Variants in LRIG1 observed in about 807,000 individuals in gnomAD.
LRIG1 encodes leucine-rich repeats and immunoglobulin-like domains protein 1.
LRIG1 carries 48 observed loss-of-function variants against 99.2 expected under a neutral mutation model. The ratio of observed to expected loss-of-function variants is 0.48; its 90% CI spans 0.38 to 0.62. LRIG1 has a LOEUF of 0.62. LRIG1 is among the 20% of genes least tolerant of loss of function. The pLI, the probability that LRIG1 is intolerant of heterozygous loss-of-function variation, is 0.00. For missense variants in LRIG1, 1,646 were observed against 1,434.4 expected (o/e 1.15, Z -2.38); for synonymous variants, 772 against 596.1 (o/e 1.29, Z -4.30).
chr3:66,485,396 G>C (rs1559823359), intron 1 of LRIG1, among the ~76,000 whole-genome samples: 1 of 152,130 alleles, frequency 6.6e-6, no homozygotes, highest in East Asian at 1.9e-4. Flanking sequence ...ATATGTTCTT[G>C]AGTTAAAAAT....
chr3:66,403,037 C>T (rs1015522951), intron 9 of LRIG1, among the ~76,000 whole-genome samples: 11 of 152,244 alleles, frequency 7.2e-5, no homozygotes, highest in Non-Finnish European at 1.3e-4. Flanking sequence ...TTTACTTCTC[C>T]GGTTCCCTTT....
In LRIG1 at chr3:66,395,045, A is replaced by T. The variant is rs572764209; in HGVS notation, c.1305-842T>A. Among the ~76,000 whole-genome samples the T allele has an allele frequency of 4.6e-5, 7 of 152,336 alleles. No individual in the cohort carries two copies. The South Asian group carries it at 1.5e-3, about 32-fold the overall frequency. ...AATCGGAATCGCCATCTCAGCGGAC[A>T]TTCCTTCCTGAGGAGTCACTTGAAG... On this transcript the variant is annotated intron_variant, in intron 11 of 18. Coordinates refer to ENST00000273261, the MANE Select transcript of LRIG1 (RefSeq NM_015541.3).
At chr3:66,456,250 G>A (rs1700217842) in intron 2 of LRIG1, among the ~76,000 whole-genome samples, 1 of 152,166 alleles carries the variant, frequency 6.6e-6, no homozygotes, top group South Asian at 2.1e-4. Context: ...TTAAACCTAA[G>A]ATCTCAGGAT....
At chr3:66,430,532 T>C (rs1190605782) in intron 3 of LRIG1, among the ~76,000 whole-genome samples, 1 of 152,128 alleles carries the variant, frequency 6.6e-6, no homozygotes, top group Non-Finnish European at 1.5e-5. Context: ...ACGCCTCCCC[T>C]GGGAGTTCCA....
At chr3:66,495,385 A>C (rs1701202989) in intron 1 of LRIG1, among the ~76,000 whole-genome samples, 1 of 152,200 alleles carries the variant, frequency 6.6e-6, no homozygotes, top group Non-Finnish European at 1.5e-5. Context: ...GTTCGCTTTT[A>C]AAAGACCCCC....
intron 8 of LRIG1, chr3:66,406,296 G>GA: frequency 1.0e-6 from 1 of 985,468 alleles, no homozygotes; most frequent in Non-Finnish European, 1.2e-6. Flanking sequence ...AGGAACCAGG[G>GA]ACCCGGGGCT....
In LRIG1 at chr3:66,378,814, C is replaced by G. The variant is rs1051820656; in HGVS notation, c.*1449G>C. 6.6e-6 allele frequency: 1 copy of G among 152,464 alleles called. No homozygotes were observed. Among genetic ancestry groups the G allele is most frequent in the Non-Finnish European group, 1.5e-5 (1 of 68,008 alleles). 9.4% of individuals were successfully genotyped at this position (152,464 alleles called of 1,614,324 possible). On this transcript the variant is annotated 3_prime_UTR_variant, in exon 19 of 19. Coordinates refer to ENST00000273261, the MANE Select transcript of LRIG1 (RefSeq NM_015541.3). ...AACTATACTGACATTTATAAATGAA[C>G]CTTTATTAAAGACACTTCAATGCCA...
In LRIG1 at chr3:66,399,011, C is replaced by T; in HGVS notation, c.1191G>A (p.Val397=). 3 of 1,614,184 alleles carry T rather than the reference C, an allele frequency of 1.9e-6. No homozygotes were observed. Among genetic ancestry groups the T allele is most frequent in the East Asian group, 2.2e-5 (1 of 44,880 alleles). ...CCAGCCCCGAGAATGCTCTCTTAGC[C>T]ACAGACTTGATCTTGTTTCCAAACA... ...LTLFGNKIKS[V]AKRAFSGLEG... The change falls in exon 10 of 19, where the codon GTG becomes GTA. Residue 397 remains valine, a synonymous_variant. Transcript: ENST00000273261.
intron 3 of LRIG1, among the ~76,000 whole-genome samples, chr3:66,450,054 A>G (rs1022601375): frequency 2.0e-5 from 3 of 152,238 alleles, no homozygotes; most frequent in Non-Finnish European, 2.9e-5. Flanking sequence ...AGGTTATCAC[A>G]TCCCTATCAG....
chr3:66,413,157 A>T (rs1413918142), intron 5 of LRIG1, 143 bp from the exon 6 acceptor site: 6 of 893,562 alleles, frequency 6.7e-6, no homozygotes, highest in Non-Finnish European at 1.0e-5. Flanking sequence ...TGTGTAGGGG[A>T]GCCCACCATG....
intron 1 of LRIG1, among the ~76,000 whole-genome samples, chr3:66,465,949 T>C (rs1468367002): frequency 6.6e-6 from 1 of 152,206 alleles, no homozygotes; most frequent in Non-Finnish European, 1.5e-5. Context: ...TGTTGGTAGA[T>C]TATAGAATAT....
At chr3:66,469,904 T>TA (rs1233821281) in intron 1 of LRIG1, among the ~76,000 whole-genome samples, 2 of 25,718 alleles carry the variant, frequency 7.8e-5, no homozygotes, top group Admixed American at 7.3e-4. Context: ...ACCCTGTCCC[T>TA]ACCAAAAAAA....
intron 15 of LRIG1, 75 bp downstream of exon 15, chr3:66,382,907 G>T: frequency 7.1e-7 from 1 of 1,400,794 alleles, no homozygotes; most frequent in Admixed American, 2.1e-5. Context: ...AAAAGCCACT[G>T]GAACCCGGCC....
In LRIG1 at chr3:66,410,121, A is replaced by C; in HGVS notation, c.935+8T>G. On this transcript the variant is annotated splice_region_variant and intron_variant, in intron 7 of 18. Transcript: ENST00000273261. ...ACACTGCCACAGCCCAGAGCCGAGG[A>C]CACTTACAACTCATGCAGCTTCTGG... is the stretch of plus-strand genomic sequence containing the variant. 6.2e-7 allele frequency: 1 copy of C among 1,607,968 alleles called. No homozygotes were observed. The highest frequency in any genetic ancestry group is 8.5e-7 in the Non-Finnish European group (1 of 1,177,012).
chr3:66,456,572 T>TAAA (rs35291779), intron 2 of LRIG1, among the ~76,000 whole-genome samples: 3 of 121,714 alleles, frequency 2.5e-5, no homozygotes, highest in Non-Finnish European at 1.7e-5. Context: ...GATCCTGTCT[T>TAAA]AAAAAAAAAA....
intron 1 of LRIG1, among the ~76,000 whole-genome samples, chr3:66,491,353 G>C (rs1701097373): frequency 6.6e-6 from 1 of 152,160 alleles, no homozygotes; most frequent in South Asian, 2.1e-4. Context: ...ACAATTAATA[G>C]CTTGGTAGAA....
intron 1 of LRIG1, among the ~76,000 whole-genome samples, chr3:66,486,873 C>T (rs1220075323): frequency 6.6e-6 from 1 of 152,128 alleles, no homozygotes; most frequent in African/African-American, 2.4e-5. Flanking sequence ...ATATAACTCC[C>T]AGATGTAGAA....
At chr3:66,452,943 CTTGT>C (rs1487376502) in intron 2 of LRIG1, among the ~76,000 whole-genome samples, 1 of 152,126 alleles carries the variant, frequency 6.6e-6, no homozygotes, top group Non-Finnish European at 1.5e-5. Flanking sequence ...TTAAAGGGCC[CTTGT>C]TTGTGTGTTG....
chr3:66,434,755 TAAAAA>T (rs71616222), intron 3 of LRIG1, among the ~76,000 whole-genome samples: 2 of 100,264 alleles, frequency 2.0e-5, no homozygotes, highest in Non-Finnish European at 4.7e-5. Flanking sequence ...TCAAAAAAAT[TAAAAA>T]AAAAAAAAAA....
Sources: gnomAD v4.1 joint callset for allele counts (sites outside exome capture counted in the v4.1 genomes callset) on GRCh38, gnomAD v4.1.1 for gene constraint, MANE v1.5 for transcripts, NCBI Gene and HGNC (gene_info 2026-07-23, HGNC 2026-07-21) for gene names.